KCNG3: variants seen among roughly 807,000 people sequenced by gnomAD.
KCNG3 encodes potassium voltage-gated channel modifier subfamily G member 3.
In KCNG3, 15 loss-of-function variants were observed where a neutral mutation model predicts 29.0. That is an observed-to-expected ratio of 0.52 (90% CI 0.35 to 0.80). The LOEUF is 0.80. Ranked by LOEUF, KCNG3 falls within the 30% of genes least tolerant of loss-of-function variation. The probability of loss-of-function intolerance (pLI) is 0.01; values close to 1 mark genes in which losing one functional copy is unlikely to be tolerated. For missense variants in KCNG3, 512 were observed against 605.7 expected, an observed-to-expected ratio of 0.85 and a Z score of 1.62; for synonymous variants, 322 against 248.9, an observed-to-expected ratio of 1.29 and a Z score of -2.76.
At chr2:42,471,184 G>GTGTGTATA (rs962557511) in intron 1 of KCNG3, among the ~76,000 whole-genome samples, 20 of 147,860 alleles carry the variant, frequency 1.4e-4, no homozygotes, top group African/African-American at 5.1e-4. Context: ...GTGTGTGTGT[G>GTGTGTATA]TATATATATA....
At chr2:42,407,177 C>CTTTTTTTTTTTTTTTTTTTTT in the KCNG3 span, among the ~76,000 whole-genome samples, 4 of 133,152 alleles carry the variant, frequency 3.0e-5, no homozygotes, top group African/African-American at 1.1e-4. Flanking sequence ...TCTGCTTGAT[C>CTTTTTTTTTTTTTTTTTTTTT]TTTTTTTTTT....
chr2:42,427,325 A>G, the KCNG3 span, among the ~76,000 whole-genome samples: 1 of 152,194 alleles, frequency 6.6e-6, no homozygotes, highest in African/African-American at 2.4e-5. Context: ...GTTTCCTGAC[A>G]GGGAGTGGTG....
intron 1 of KCNG3, chr2:42,463,223 G>T: frequency 3.0e-6 from 1 of 337,200 alleles, no homozygotes; most frequent in Non-Finnish European, 5.6e-6. Context: ...GCATCAGCTT[G>T]ATACTTGGCT....
chr2:42,493,376 G>T lies in KCNG3; in HGVS notation c.126C>A (p.Arg42=), dbSNP rs766292702. ...LRRVSRLHGC[R]SERDVLEVCD... ...ACACCTCGAGCACGTCGCGCTCGGA[G>T]CGGCAGCCGTGCAGCCGGCTCACGC... Residue 42 remains arginine (R), a synonymous_variant, in exon 1 of 2, where the codon CGC becomes CGA. Coordinates refer to ENST00000306078, the MANE Select transcript of KCNG3 (RefSeq NM_133329.6). The T allele has an allele frequency of 1.3e-6, 2 of 1,554,010 alleles. No individual in the cohort carries two copies. Among genetic ancestry groups the T allele is most frequent in the Non-Finnish European group, 1.7e-6 (2 of 1,150,414 alleles).
At chr2:42,427,107 T>A in the KCNG3 span, among the ~76,000 whole-genome samples, 1 of 152,210 alleles carries the variant, frequency 6.6e-6, no homozygotes, top group Admixed American at 6.5e-5. Context: ...TACTCTAATA[T>A]CTTTGCATAA....
At chr2:42,408,149 G>C in the KCNG3 span, among the ~76,000 whole-genome samples, 11 of 152,282 alleles carry the variant, frequency 7.2e-5, no homozygotes, top group African/African-American at 2.6e-4. Context: ...GGGGCTGAGG[G>C]CAGCTCAGCA....
At chr2:42,464,112 T>G (rs1030203427) in intron 1 of KCNG3, 1 of 203,546 alleles carries the variant, frequency 4.9e-6, no homozygotes, top group Non-Finnish European at 9.9e-6. Context: ...TTCATTCTGA[T>G]ATCATTATTT....
At chr2:42,489,700 G>C (rs1673824965) in intron 1 of KCNG3, among the ~76,000 whole-genome samples, 1 of 93,490 alleles carries the variant, frequency 1.1e-5, no homozygotes, top group East Asian at 3.7e-4. Context: ...TGCACAGTAA[G>C]GGACATTTGA....
At chr2:42,441,368 A>G (rs1672475190), downstream of KCNG3, among the ~76,000 whole-genome samples, 1 of 152,294 alleles carries the variant, frequency 6.6e-6, no homozygotes, top group Admixed American at 6.5e-5. Context: ...AGCCTAGGCA[A>G]CCAAGCAAAA....
At chr2:42,465,815 A>T (rs1300405782) in intron 1 of KCNG3, among the ~76,000 whole-genome samples, 1 of 152,226 alleles carries the variant, frequency 6.6e-6, no homozygotes, top group Non-Finnish European at 1.5e-5. Context: ...AAAATAGGCT[A>T]TGTGGACAAA....
the KCNG3 span, among the ~76,000 whole-genome samples, chr2:42,417,988 A>C: frequency 6.6e-6 from 1 of 151,610 alleles, no homozygotes; most frequent in African/African-American, 2.4e-5. Context: ...TAAAAATAAA[A>C]AATAAAAATA....
chr2:42,401,827 T>G, the KCNG3 span, among the ~76,000 whole-genome samples: 5 of 152,194 alleles, frequency 3.3e-5, no homozygotes, highest in East Asian at 9.7e-4. Flanking sequence ...GAGGTTTCAG[T>G]GAGCCAAGCT....
At chr2:42,437,997 C>G (rs1449992393), downstream of KCNG3, among the ~76,000 whole-genome samples, 2 of 150,698 alleles carry the variant, frequency 1.3e-5, no homozygotes, top group Non-Finnish European at 3.0e-5. Flanking sequence ...ATAAACGTTC[C>G]ATTTTTATCA....
chr2:42,441,112 G>T (rs1558370905), downstream of KCNG3, among the ~76,000 whole-genome samples: 1 of 152,216 alleles, frequency 6.6e-6, no homozygotes, highest in Non-Finnish European at 1.5e-5. Flanking sequence ...CAGGCACAGT[G>T]TCTCATGCCC....
At chr2:42,485,836 CAG>C (rs1300164911) in intron 1 of KCNG3, among the ~76,000 whole-genome samples, 4 of 152,162 alleles carry the variant, frequency 2.6e-5, no homozygotes, top group Admixed American at 2.0e-4. Context: ...GAATAATACT[CAG>C]ATGTTACTAG....
chr2:42,390,518 G>A, the KCNG3 span, among the ~76,000 whole-genome samples: 1 of 152,146 alleles, frequency 6.6e-6, no homozygotes, highest in African/African-American at 2.4e-5. Context: ...CCAATCCCCA[G>A]GGGCAAAAGT....
chr2:42,434,528 A>C, the KCNG3 span, among the ~76,000 whole-genome samples: 2 of 150,972 alleles, frequency 1.3e-5, no homozygotes. Flanking sequence ...AAAAATAAAC[A>C]AAGAAATACA....
rs776842588 is a variant in KCNG3, at chr2:42,443,908, G to A, written c.*26C>T. 1.9e-6 allele frequency: 3 copies of A among 1,576,972 alleles called. No individual in the cohort carries two copies. The highest frequency in any genetic ancestry group is 2.6e-6 in the Non-Finnish European group (3 of 1,160,422). Reference sequence around the variant, plus strand: ...CAGCATCAAAGTCTTTCTATGAAGTGTATGCAAGAATTGATTTGCAATGCA... The same window carrying A: ...CAGCATCAAAGTCTTTCTATGAAGTATATGCAAGAATTGATTTGCAATGCA... On this transcript the variant is annotated 3_prime_UTR_variant, in exon 2 of 2. Coordinates refer to ENST00000306078, the MANE Select transcript of KCNG3 (RefSeq NM_133329.6).
intron 1 of KCNG3, among the ~76,000 whole-genome samples, chr2:42,479,280 C>T (rs541778063): frequency 3.5e-4 from 53 of 152,154 alleles, no homozygotes; most frequent in Non-Finnish European, 5.0e-4. Flanking sequence ...AACTTGCCAT[C>T]TCACAATCAG....
Sources: allele counts gnomAD v4.1 joint callset (sites outside exome capture counted in the v4.1 genomes callset), GRCh38; gene constraint gnomAD v4.1.1; transcripts MANE v1.5; gene names NCBI Gene and HGNC (gene_info 2026-07-23, HGNC 2026-07-21).